GRID2: variants seen among roughly 807,000 people sequenced by gnomAD.
GRID2 encodes the protein glutamate receptor ionotropic, delta-2.
In GRID2, 33 loss-of-function variants were observed where a neutral mutation model predicts 114.8. The observed-to-expected ratio is 0.29, with a 90% confidence interval of 0.22 to 0.38. GRID2 has a LOEUF of 0.38. GRID2 is among the 10% of genes least tolerant of loss of function. The pLI, the probability that GRID2 is intolerant of heterozygous loss-of-function variation, is 1.00. For synonymous variants in GRID2, 505 were observed against 449.9 expected, an observed-to-expected ratio of 1.12 and a Z score of -1.55; for missense variants, 1,184 against 1,257.7, an observed-to-expected ratio of 0.94 and a Z score of 0.89.
At chr4:92,746,946 A>T (rs1331815695) in intron 2 of GRID2, among the ~76,000 whole-genome samples, 1 of 152,122 alleles carries the variant, frequency 6.6e-6, no homozygotes, top group Non-Finnish European at 1.5e-5. Flanking sequence ...GAGCAGATGC[A>T]TTATTTCTAA....
At chr4:92,385,853 G>T (rs1178240201) in intron 1 of GRID2, among the ~76,000 whole-genome samples, 1 of 147,482 alleles carries the variant, frequency 6.8e-6, no homozygotes, top group Admixed American at 6.9e-5. Context: ...AACTTTTGTT[G>T]TGAAGAAATA....
intron 2 of GRID2, among the ~76,000 whole-genome samples, chr4:92,976,206 T>C (rs2149179945): frequency 6.6e-6 from 1 of 152,220 alleles, no homozygotes; most frequent in East Asian, 1.9e-4. Flanking sequence ...AAAAATTAAC[T>C]GATAGCTAAT....
intron 2 of GRID2, among the ~76,000 whole-genome samples, chr4:92,683,616 A>T (rs538870912): frequency 5.7e-4 from 86 of 152,080 alleles, no homozygotes; most frequent in Non-Finnish European, 8.8e-4. Flanking sequence ...ATAATGATGA[A>T]TATGAATTTC....
intron 1 of GRID2, among the ~76,000 whole-genome samples, chr4:92,588,267 AG>A (rs1728544714): frequency 1.3e-5 from 2 of 152,114 alleles, no homozygotes; most frequent in Non-Finnish European, 2.9e-5. Context: ...GGTTCAGAAA[AG>A]ACAGGTTAAG....
chr4:93,196,326 C>A (rs899116273), intron 4 of GRID2, among the ~76,000 whole-genome samples: 2 of 152,146 alleles, frequency 1.3e-5, no homozygotes, highest in Non-Finnish European at 1.5e-5. Context: ...TTGAGAATGA[C>A]AAAACACAAG....
intron 13 of GRID2, among the ~76,000 whole-genome samples, chr4:93,624,299 A>G (rs1162106497): frequency 1.3e-5 from 2 of 151,962 alleles, no homozygotes; most frequent in Non-Finnish European, 2.9e-5. Flanking sequence ...CTGGATGATA[A>G]TTTTTTCCTA....
chr4:92,830,062 C>T (rs1463612304), intron 2 of GRID2, among the ~76,000 whole-genome samples: 1 of 148,056 alleles, frequency 6.8e-6, no homozygotes, highest in Admixed American at 6.8e-5. Flanking sequence ...CAAATCTGAA[C>T]ATTCTACATA....
chr4:92,481,981 G>GAC (rs1350895466), intron 1 of GRID2, among the ~76,000 whole-genome samples: 4 of 47,240 alleles, frequency 8.5e-5, no homozygotes, highest in East Asian at 2.3e-3. Context: ...AATAAAATGT[G>GAC]ATATATATAT....
rs570999553 is a variant in GRID2, at chr4:92,858,330, C to T, written c.245-226665C>T. ...GGAAAGGATTCACCATTCTGGATGCCATTCAGAACATTCATGATTCATGGG... is the reference window on the plus strand; with the variant it reads ...GGAAAGGATTCACCATTCTGGATGCTATTCAGAACATTCATGATTCATGGG... On this transcript the variant is annotated intron_variant, in intron 2 of 15. Transcript: ENST00000282020. Among the ~76,000 whole-genome samples, 20 of 152,278 alleles carry T rather than the reference C, an allele frequency of 1.3e-4. No homozygotes were observed. The South Asian group carries it at 3.3e-3, about 25-fold the overall frequency.
intron 2 of GRID2, among the ~76,000 whole-genome samples, chr4:92,913,910 C>T (rs1031303115): frequency 2.0e-5 from 3 of 151,926 alleles, no homozygotes; most frequent in African/African-American, 7.2e-5. Flanking sequence ...GTGGATAGTA[C>T]GTTCTACTTG....
In GRID2 at chr4:93,203,262, A is replaced by G. The variant is rs76253368; in HGVS notation, c.736-4142A>G. On this transcript the variant is annotated intron_variant, in intron 4 of 15. Coordinates refer to ENST00000282020, the MANE Select transcript of GRID2 (RefSeq NM_001510.4). Reference sequence around the variant, plus strand: ...GGGAAATTATAACCCTTGTTTAGTGAATATTTTCTCAGATAATAAATGGAA... The same window carrying G: ...GGGAAATTATAACCCTTGTTTAGTGGATATTTTCTCAGATAATAAATGGAA... 2.6e-3 allele frequency among the ~76,000 whole-genome samples: 392 copies of G among 152,276 alleles called. 1 individual carries two copies. The highest frequency in any genetic ancestry group is 9.0e-3 in the African/African-American group (374 of 41,558).
chr4:92,660,641 C>T (rs1732470731), intron 2 of GRID2, among the ~76,000 whole-genome samples: 1 of 151,222 alleles, frequency 6.6e-6, no homozygotes, highest in African/African-American at 2.4e-5. Flanking sequence ...TAATTCCTTA[C>T]TTGCTCATAG....
intron 2 of GRID2, among the ~76,000 whole-genome samples, chr4:92,831,438 A>C (rs1742093429): frequency 6.6e-6 from 1 of 152,164 alleles, no homozygotes; most frequent in Non-Finnish European, 1.5e-5. Context: ...CTGTAGTATA[A>C]AGTTAAACAC....
chr4:93,050,002 C>A (rs1726539075), intron 2 of GRID2, among the ~76,000 whole-genome samples: 9 of 152,056 alleles, frequency 5.9e-5, no homozygotes, highest in Admixed American at 5.3e-4. Context: ...AAAGAGCATT[C>A]TTCCTGAAGG....
At chr4:93,746,202 T>C (rs1309737365) in intron 14 of GRID2, among the ~76,000 whole-genome samples, 1 of 152,148 alleles carries the variant, frequency 6.6e-6, no homozygotes, top group Non-Finnish European at 1.5e-5. Flanking sequence ...GCTAAGTCAC[T>C]AAATATTCAT....
At chr4:93,085,812 T>A (rs973836530) in intron 3 of GRID2, among the ~76,000 whole-genome samples, 15 of 152,080 alleles carry the variant, frequency 9.9e-5, no homozygotes, top group Non-Finnish European at 1.9e-4. Flanking sequence ...ATATTATATG[T>A]TGTCTACAGT....
rs570759726 is a variant in GRID2, at chr4:92,304,443, G to T, written c.-214G>T. On this transcript the variant is annotated 5_prime_UTR_variant, in exon 1 of 16. Transcript: ENST00000282020. ...GCCAAAATTCCCCTCCAAGTGACAC[G>T]GCTTTGCGAAGGAGGTTTCCTCAGG... 1 of 591,094 alleles carries T rather than the reference G, an allele frequency of 1.7e-6. No homozygotes were observed. Among genetic ancestry groups the T allele is most frequent in the Non-Finnish European group, 3.0e-6 (1 of 334,958 alleles). The allele number at this position is 591,094 out of a possible 1,614,324, so 36.6% of individuals were successfully genotyped here. A position where few individuals can be genotyped will look rare whatever the true frequency, so the allele number is the denominator to read the frequency against.
chr4:93,657,411 G>A (rs944112040), intron 14 of GRID2, among the ~76,000 whole-genome samples: 6 of 151,980 alleles, frequency 3.9e-5, no homozygotes, highest in Admixed American at 2.0e-4. Flanking sequence ...ATAGAGCTTC[G>A]GAGATACAGA....
rs983945778 is a variant in GRID2 at position 93,003,275 on chromosome 4, A to G, written c.245-81720A>G. On this transcript the variant is annotated intron_variant, in intron 2 of 15. Transcript: ENST00000282020. ...CAGATTTTACAGGGCAATTTTTTGAAAAATAAAACTTGTAAAAGGTTTAAT... is the reference window on the plus strand; with the variant it reads ...CAGATTTTACAGGGCAATTTTTTGAGAAATAAAACTTGTAAAAGGTTTAAT... Among the ~76,000 whole-genome samples, 26 of 152,076 alleles carry G rather than the reference A, an allele frequency of 1.7e-4. No individual in the cohort carries two copies. The South Asian group carries it at 3.1e-3, about 18-fold the overall frequency.
Sources: allele counts gnomAD v4.1 joint callset (sites outside exome capture counted in the v4.1 genomes callset), GRCh38; gene constraint gnomAD v4.1.1; transcripts MANE v1.5; gene names NCBI Gene and HGNC (gene_info 2026-07-23, HGNC 2026-07-21).